ZNF804B: variants seen among roughly 807,000 people sequenced by gnomAD.
The protein encoded by ZNF804B is zinc finger protein 804B.
ZNF804B carries 80 observed loss-of-function variants against 101.4 expected under a neutral mutation model. The ratio of observed to expected loss-of-function variants is 0.79; its 90% CI spans 0.66 to 0.95. The LOEUF (loss-of-function observed/expected upper bound fraction) is 0.95, where lower values mean the gene tolerates loss of function less well. Ranked by LOEUF, ZNF804B falls within the 40% of genes least tolerant of loss-of-function variation. ZNF804B has a pLI of 0.00. For synonymous variants in ZNF804B, 622 were observed against 558.8 expected, an observed-to-expected ratio of 1.11 and a Z score of -1.59; for missense variants, 1,673 against 1,561.9, an observed-to-expected ratio of 1.07 and a Z score of -1.20.
chr7:89,330,401 CGTGTATGA>C (rs1399325501), intron 3 of ZNF804B, among the ~76,000 whole-genome samples: 2 of 151,420 alleles, frequency 1.3e-5, no homozygotes, highest in Non-Finnish European at 3.0e-5. Flanking sequence ...ATGGTAACTA[CGTGTATGA>C]TAGATGCACA....
At chr7:88,980,102 C>T (rs1562849988) in intron 1 of ZNF804B, among the ~76,000 whole-genome samples, 1 of 151,632 alleles carries the variant, frequency 6.6e-6, no homozygotes. Flanking sequence ...TTTTAGGGTA[C>T]ATGTGCACAA....
At position 89,335,613 on chromosome 7, in the gene ZNF804B, C is replaced by T. The variant is rs765537947; in HGVS notation, c.2631C>T (p.Ser877=). 4.3e-6 allele frequency: 7 copies of T among 1,613,900 alleles called. No homozygotes were observed. The East Asian group carries it at 1.3e-4, about 31-fold the overall frequency. The change falls in exon 4 of 4, where the codon AGC becomes AGT. Residue 877 remains serine, a synonymous_variant. Coordinates refer to ENST00000333190, the MANE Select transcript of ZNF804B (RefSeq NM_181646.5). The part of the protein sequence containing the change: ...KSKRNQESLG[S]PHICDLGKVR... ...AGAGAAATCAAGAGTCTTTGGGCAG[C>T]CCTCACATTTGTGATCTGGGAAAAG...
Position 88,982,905 on chromosome 7 carries a change from C to T in ZNF804B, c.108+222821C>T, listed in dbSNP as rs374761262. On this transcript the variant is annotated intron_variant, in intron 1 of 3. Coordinates refer to ENST00000333190, the MANE Select transcript of ZNF804B (RefSeq NM_181646.5). ...CCAGATCACCAAGTCCTCCAAACTC[C>T]CAAGAGAGACAGCTGAAATGCTTCC... Among the ~76,000 whole-genome samples the T allele has an allele frequency of 2.6e-5, 4 of 152,110 alleles. No individual in the cohort carries two copies. The East Asian group carries it at 5.9e-4, about 22-fold the overall frequency.
intron 1 of ZNF804B, among the ~76,000 whole-genome samples, chr7:88,927,340 C>T (rs897013511): frequency 3.9e-5 from 6 of 152,134 alleles, no homozygotes; most frequent in African/African-American, 9.7e-5. Context: ...AGTAAAAGCA[C>T]AAACTACTGA....
intron 1 of ZNF804B, among the ~76,000 whole-genome samples, chr7:89,111,920 A>G (rs1264181538): frequency 6.6e-6 from 1 of 152,042 alleles, no homozygotes; most frequent in Non-Finnish European, 1.5e-5. Context: ...TCTGGCCAAT[A>G]TGGTGAGACT....
At chr7:88,959,698 C>T (rs1181082816) in intron 1 of ZNF804B, among the ~76,000 whole-genome samples, 1 of 151,344 alleles carries the variant, frequency 6.6e-6, no homozygotes. Flanking sequence ...CATCTCCTCC[C>T]ACCTCTATTG....
chr7:89,220,109 GTATATA>G (rs2115706482), intron 2 of ZNF804B, among the ~76,000 whole-genome samples: 11 of 110,262 alleles, frequency 1.0e-4, no homozygotes, highest in African/African-American at 3.9e-4. Flanking sequence ...ATATATGTGT[GTATATA>G]CATATATATA....
intron 1 of ZNF804B, among the ~76,000 whole-genome samples, chr7:89,177,882 C>T (rs549983955): frequency 6.6e-6 from 1 of 151,948 alleles, no homozygotes; most frequent in Admixed American, 6.6e-5. Flanking sequence ...TTACAGTGAG[C>T]CGACACAGCG....
At chr7:88,939,784 A>G (rs1482080313) in intron 1 of ZNF804B, among the ~76,000 whole-genome samples, 1 of 151,996 alleles carries the variant, frequency 6.6e-6, no homozygotes, top group African/African-American at 2.4e-5. Flanking sequence ...AAAAAGCTTG[A>G]AAGCAAAAGA....
intron 1 of ZNF804B, among the ~76,000 whole-genome samples, chr7:89,090,547 T>C (rs1716067737): frequency 6.6e-6 from 1 of 152,094 alleles, no homozygotes; most frequent in South Asian, 2.1e-4. Flanking sequence ...GTTTGTTGAC[T>C]ACTTATAGGT....
At chr7:88,937,408 C>T (rs1363888463) in intron 1 of ZNF804B, among the ~76,000 whole-genome samples, 1 of 152,068 alleles carries the variant, frequency 6.6e-6, no homozygotes, top group Non-Finnish European at 1.5e-5. Flanking sequence ...TAGGAAAAAT[C>T]TATCCATCGA....
intron 1 of ZNF804B, among the ~76,000 whole-genome samples, chr7:89,094,168 C>T (rs1430647925): frequency 6.6e-6 from 1 of 152,128 alleles, no homozygotes. Context: ...TCATTCTAGG[C>T]CATTTAGGTC....
rs17766999 is a variant in ZNF804B at position 89,332,518 on chromosome 7, C to T, written c.381-845C>T. On this transcript the variant is annotated intron_variant, in intron 3 of 3. Coordinates refer to ENST00000333190, the MANE Select transcript of ZNF804B (RefSeq NM_181646.5). The stretch of plus-strand genomic sequence containing the variant: ...GATGTGATTTGTATTGTCTTCTTTC[C>T]AGTGAAGCCTTCTTTTATAGTAGAG... Among the ~76,000 whole-genome samples the T allele has an allele frequency of 0.04, 6,049 of 151,746 alleles. 641 individuals are homozygous for T. The East Asian group carries it at 0.41, about 10-fold the overall frequency.
intron 1 of ZNF804B, among the ~76,000 whole-genome samples, chr7:88,891,788 G>A (rs899273377): frequency 6.6e-6 from 1 of 151,510 alleles, no homozygotes; most frequent in Non-Finnish European, 1.5e-5. Context: ...TGTGCACAAC[G>A]TGCAGGTTTG....
intron 1 of ZNF804B, among the ~76,000 whole-genome samples, chr7:88,824,458 A>G (rs1286610608): frequency 6.6e-6 from 1 of 152,160 alleles, no homozygotes; most frequent in Non-Finnish European, 1.5e-5. Context: ...AGCCATGCAG[A>G]ACTTTAAGTC....
chr7:88,787,226 T>C (rs1790315622), intron 1 of ZNF804B, among the ~76,000 whole-genome samples: 1 of 152,100 alleles, frequency 6.6e-6, no homozygotes, highest in African/African-American at 2.4e-5. Context: ...TAAGCATGGA[T>C]CAGAGAATCA....
At chr7:89,058,947 G>T (rs1454184723) in intron 1 of ZNF804B, among the ~76,000 whole-genome samples, 1 of 43,222 alleles carries the variant, frequency 2.3e-5, no homozygotes, top group African/African-American at 1.0e-4. Flanking sequence ...TCGAAGTTTG[G>T]CCTCCTAAAG....
chr7:89,175,807 G>C (rs940949693), intron 1 of ZNF804B, among the ~76,000 whole-genome samples: 1 of 151,582 alleles, frequency 6.6e-6, no homozygotes, highest in East Asian at 1.9e-4. Flanking sequence ...TGTATTCCTA[G>C]GTATTTTATT....
intron 1 of ZNF804B, among the ~76,000 whole-genome samples, chr7:89,211,116 T>C (rs545405418): frequency 6.6e-6 from 1 of 152,346 alleles, no homozygotes; most frequent in South Asian, 2.1e-4. Flanking sequence ...TTCATTCATA[T>C]GTTTATTGGC....
Sources: allele counts gnomAD v4.1 joint callset (sites outside exome capture counted in the v4.1 genomes callset), GRCh38; gene constraint gnomAD v4.1.1; transcripts MANE v1.5; gene names NCBI Gene and HGNC (gene_info 2026-07-23, HGNC 2026-07-21).